The following ZSCAN23 variants were observed in gnomAD, a reference collection of about 807,000 sequenced individuals.
ZSCAN23 encodes the protein zinc finger and SCAN domain containing 23, also known as zinc finger and SCAN domain-containing protein 23.
In ZSCAN23, 19 loss-of-function variants were observed where a neutral mutation model predicts 19.3. That is an observed-to-expected ratio of 0.99 (90% confidence interval 0.69 to 1.45). ZSCAN23 has a LOEUF of 1.45. Ranked by LOEUF, ZSCAN23 falls within the 40% of genes most tolerant of loss-of-function variation. ZSCAN23 has a pLI of 0.00. For missense variants in ZSCAN23, 372 were observed against 462.5 expected (o/e 0.80, Z 1.79); for synonymous variants, 140 against 166.2 (o/e 0.84, Z 1.21).
chr6:28,435,433 G>A (rs1349847984), intron 3 of ZSCAN23, 27 bp downstream of exon 3: 1 of 1,548,098 alleles, frequency 6.5e-7, no homozygotes, highest in Non-Finnish European at 8.7e-7. Flanking sequence ...AATGAGGTAG[G>A]CTGTCTGAGG....
intron 1 of ZSCAN23, 121 bp from the exon 2 acceptor site, chr6:28,436,464 T>A: frequency 2.0e-6 from 1 of 492,122 alleles, no homozygotes; most frequent in Non-Finnish European, 3.5e-6. Context: ...CAAAACCTGA[T>A]TAATGATAGA....
chr6:28,435,472 C>T lies in ZSCAN23; in HGVS notation c.544G>A (p.Val182Ile). 1 of 1,551,798 alleles carries T rather than the reference C, an allele frequency of 6.4e-7. No individual in the cohort carries two copies. The highest frequency in any genetic ancestry group is 8.7e-7 in the Non-Finnish European group (1 of 1,146,972). ...TCCTGATCCTCACCAATCTCTTGAA[C>T]TGGGCACACCTCTCGCAAATTATAC... ...LGYNLREVCP[V>I]QEIDGKAGTW... Residue 182 changes from valine (V) to isoleucine (I), a missense_variant, in exon 3 of 4, where the codon GTT (valine) becomes ATT (isoleucine). Coordinates refer to ENST00000289788, the MANE Select transcript of ZSCAN23 (RefSeq NM_001012455.2).
downstream of ZSCAN23, among the ~76,000 whole-genome samples, chr6:28,429,562 AC>A (rs1365609723): frequency 2.0e-5 from 3 of 152,152 alleles, no homozygotes; most frequent in Non-Finnish European, 2.9e-5. Context: ...GGCCATAAGG[AC>A]CTGTCAGCTG....
Position 28,434,510 on chromosome 6 carries a change from G to A in ZSCAN23, c.1125C>T (p.Asn375=). 1.3e-6 allele frequency: 2 copies of A among 1,551,706 alleles called. No homozygotes were observed. The highest frequency in any genetic ancestry group is 8.7e-7 in the Non-Finnish European group (1 of 1,146,786). Reference sequence around the variant, plus strand: ...GGTGGACTTTCCGATGCTGGATTAGGTTGCAATGGTAAATGAAGTTCTTGC... The same window carrying A: ...GGTGGACTTTCCGATGCTGGATTAGATTGCAATGGTAAATGAAGTTCTTGC... ...ECGKNFIYHC[N]LIQHRKVHPV... Residue 375 remains asparagine (N), a synonymous_variant, in exon 4 of 4, where the codon AAC becomes AAT. Coordinates refer to ENST00000289788, the MANE Select transcript of ZSCAN23 (RefSeq NM_001012455.2).
intron 1 of ZSCAN23, among the ~76,000 whole-genome samples, chr6:28,439,515 T>C (rs1014772092): frequency 1.1e-4 from 16 of 152,206 alleles, no homozygotes; most frequent in Non-Finnish European, 1.3e-4. Context: ...CAAATATATA[T>C]TCAGAGCCTA....
chr6:28,430,493 A>T (rs1243009298), downstream of ZSCAN23, among the ~76,000 whole-genome samples: 1 of 152,220 alleles, frequency 6.6e-6, no homozygotes, highest in Non-Finnish European at 1.5e-5. Flanking sequence ...ACCTGAGGAA[A>T]ACGGGGAAGA....
At chr6:28,422,147 T>C in the ZSCAN23 span, among the ~76,000 whole-genome samples, 1 of 152,104 alleles carries the variant, frequency 6.6e-6, no homozygotes, top group African/African-American at 2.4e-5. This position sits in a 1 kb window ranked among gnomAD's most constrained non-coding sequence, Gnocchi z 4.0. Context: ...ATGTTGAAGC[T>C]GGGTGACAGG....
chr6:28,426,731 A>C, the ZSCAN23 span, among the ~76,000 whole-genome samples: 1 of 152,240 alleles, frequency 6.6e-6, no homozygotes, highest in Admixed American at 6.5e-5. Context: ...AAGTGCAATA[A>C]AGCAAAGTGC....
At chr6:28,425,255 T>C in the ZSCAN23 span, among the ~76,000 whole-genome samples, 5 of 152,054 alleles carry the variant, frequency 3.3e-5, no homozygotes. Flanking sequence ...TGTAAATAAA[T>C]GTGCTATCGT....
At chr6:28,436,532 G>A (rs1391505183) in intron 1 of ZSCAN23, among the ~76,000 whole-genome samples, 189 bp from the exon 2 acceptor site, 3 of 152,096 alleles carry the variant, frequency 2.0e-5, no homozygotes, top group Admixed American at 1.3e-4. Context: ...GAACAAAAAC[G>A]CCTACAGTTT....
rs1761818756 is a variant in ZSCAN23 at position 28,434,145 on chromosome 6, A to G, written c.*320T>C. The G allele has an allele frequency of 4.7e-6, 1 of 211,482 alleles. No individual in the cohort carries two copies. Among genetic ancestry groups the G allele is most frequent in the Non-Finnish European group, 9.5e-6 (1 of 105,042 alleles). 13.1% of individuals were successfully genotyped at this position (211,482 alleles called of 1,614,324 possible). A position where few individuals can be genotyped will look rare whatever the true frequency, so the allele number is the denominator to read the frequency against. ...TGAGATTATTTTGTACTCAGCCTAC[A>G]TATAACTATTTTAAACTTTTAAAAA... On this transcript the variant is annotated 3_prime_UTR_variant, in exon 4 of 4. Coordinates refer to ENST00000289788, the MANE Select transcript of ZSCAN23 (RefSeq NM_001012455.2).
downstream of ZSCAN23, among the ~76,000 whole-genome samples, chr6:28,430,577 A>C (rs1013894063): frequency 2.6e-5 from 4 of 152,140 alleles, no homozygotes; most frequent in African/African-American, 9.7e-5. Flanking sequence ...ACCACTAGCA[A>C]GTTTGGGGCT....
At chr6:28,427,160 C>T (rs979758004), downstream of ZSCAN23, among the ~76,000 whole-genome samples, 2 of 152,192 alleles carry the variant, frequency 1.3e-5, no homozygotes, top group African/African-American at 4.8e-5. Flanking sequence ...ACTTATCAGT[C>T]CCAAGTTAAA....
downstream of ZSCAN23, among the ~76,000 whole-genome samples, chr6:28,429,385 T>G (rs1347838067): frequency 6.6e-6 from 1 of 152,254 alleles, no homozygotes; most frequent in Non-Finnish European, 1.5e-5. Flanking sequence ...CCCTCTGTTT[T>G]GCAGAATTGT....
chr6:28,431,799 TAA>T (rs1376289951), downstream of ZSCAN23: 6 of 152,224 alleles, frequency 3.9e-5, no homozygotes, highest in Admixed American at 3.9e-4. Context: ...AGTTGATAAA[TAA>T]GAGAGATTTC....
chr6:28,435,644 A>G lies in ZSCAN23; in HGVS notation c.409-37T>C, dbSNP rs569962469. The G allele has an allele frequency of 2.0e-6, 3 of 1,534,634 alleles. No individual in the cohort carries two copies. In the Admixed American group the frequency reaches 6.3e-5, roughly 32 times the overall value. On this transcript the variant is annotated intron_variant, in intron 2 of 3. Transcript: ENST00000289788. ...CAAGGACAGTTGGGAACCCAATATCAGAGAGAACATGGCAAGGAGGCCTCC... is the reference window on the plus strand; with the variant it reads ...CAAGGACAGTTGGGAACCCAATATCGGAGAGAACATGGCAAGGAGGCCTCC...
chr6:28,427,018 C>T (rs1419644045), downstream of ZSCAN23, among the ~76,000 whole-genome samples: 1 of 152,210 alleles, frequency 6.6e-6, no homozygotes, highest in Non-Finnish European at 1.5e-5. Context: ...GTCTCAAACT[C>T]CTGACCTCAG....
At chr6:28,439,901 A>C (rs1420422554) in intron 1 of ZSCAN23, among the ~76,000 whole-genome samples, 1 of 152,204 alleles carries the variant, frequency 6.6e-6, no homozygotes, top group East Asian at 1.9e-4. Flanking sequence ...TGGGGAAAAG[A>C]GGGGCCAGGA....
Position 28,434,515 on chromosome 6 carries a change from A to G in ZSCAN23, c.1120T>C (p.Cys374Arg). The change falls in exon 4 of 4, where the codon TGC becomes CGC. Residue 374 changes from cysteine to arginine, a missense_variant. Coordinates refer to ENST00000289788, the MANE Select transcript of ZSCAN23 (RefSeq NM_001012455.2). ...ACTTTCCGATGCTGGATTAGGTTGC[A>G]ATGGTAAATGAAGTTCTTGCCACAT... is the stretch of plus-strand genomic sequence containing the variant. ...EECGKNFIYH[C>R]NLIQHRKVHP... 1 of 1,551,978 alleles carries G rather than the reference A, an allele frequency of 6.4e-7. No individual in the cohort carries two copies. Among genetic ancestry groups the G allele is most frequent in the South Asian group, 1.2e-5 (1 of 84,008 alleles).
Sources: allele counts gnomAD v4.1 joint callset (sites outside exome capture counted in the v4.1 genomes callset), GRCh38; gene constraint gnomAD v4.1.1; non-coding constraint Gnocchi (gnomAD v3.1); transcripts MANE v1.5; gene names NCBI Gene and HGNC (gene_info 2026-07-23, HGNC 2026-07-21).